Variants in SMYD3 observed in about 807,000 individuals in gnomAD.
SMYD3 encodes the protein SET and MYND domain containing 3, also known as histone-lysine N-methyltransferase SMYD3.
Under a neutral mutation model 57.7 loss-of-function variants are expected in SMYD3, and 36 were observed. The observed-to-expected ratio is 0.62, with a 90% CI of 0.48 to 0.82. The LOEUF is 0.82. SMYD3 is among the 40% of genes least tolerant of loss of function. SMYD3 has a pLI of 0.00. For missense variants in SMYD3, 515 were observed against 538.8 expected (o/e 0.96, Z 0.44); for synonymous variants, 211 against 195.0 (o/e 1.08, Z -0.68).
rs76783019 is a variant in SMYD3, at chr1:246,351,518, T to C, written c.228+3513A>G. ...AGAGAAAAAAGACTGGACCTCCTTC[T>C]ATGAAATTATATGATAGACACCTGA... On this transcript the variant is annotated intron_variant, in intron 2 of 11. Coordinates refer to ENST00000490107, the MANE Select transcript of SMYD3 (RefSeq NM_001167740.2). Among the ~76,000 whole-genome samples, 58 of 152,314 alleles carry C rather than the reference T, an allele frequency of 3.8e-4. 1 individual carries two copies. Among genetic ancestry groups the C allele is most frequent in the African/African-American group, 1.3e-3 (53 of 41,572 alleles).
chr1:245,990,328 A>G (rs2058789596), intron 5 of SMYD3, among the ~76,000 whole-genome samples: 1 of 152,170 alleles, frequency 6.6e-6, no homozygotes, highest in African/African-American at 2.4e-5. Context: ...GGCTCAAGCA[A>G]TCCTCCCGCC....
intron 8 of SMYD3, among the ~76,000 whole-genome samples, chr1:245,884,486 G>C (rs576305582): frequency 6.6e-6 from 1 of 152,130 alleles, no homozygotes; most frequent in African/African-American, 2.4e-5. Flanking sequence ...GATTTACATA[G>C]GGCCTGAGAG....
At chr1:246,272,589 T>C (rs1173918100) in intron 5 of SMYD3, among the ~76,000 whole-genome samples, 8 of 152,226 alleles carry the variant, frequency 5.3e-5, no homozygotes, top group South Asian at 2.1e-4. Context: ...ATTACACTGA[T>C]TGATTTTCAC....
intron 5 of SMYD3, among the ~76,000 whole-genome samples, chr1:246,293,570 C>G (rs2064736872): frequency 6.6e-6 from 1 of 152,112 alleles, no homozygotes; most frequent in Non-Finnish European, 1.5e-5. Context: ...GAGACTACTC[C>G]AAGAAAACCC....
intron 10 of SMYD3, among the ~76,000 whole-genome samples, chr1:245,842,144 C>T (rs889508885): frequency 1.6e-4 from 24 of 152,240 alleles, no homozygotes; most frequent in African/African-American, 5.8e-4. Context: ...GATTGCGTGA[C>T]AACAAAATCA....
At chr1:246,111,369 T>C (rs2061237902) in intron 5 of SMYD3, 1 of 152,108 alleles carries the variant, frequency 6.6e-6, no homozygotes. Flanking sequence ...TGGTCCAGCA[T>C]AGCAGAAAAA....
chr1:245,787,213 C>A (rs1481827676), intron 10 of SMYD3, among the ~76,000 whole-genome samples: 1 of 152,190 alleles, frequency 6.6e-6, no homozygotes, highest in African/African-American at 2.4e-5. Flanking sequence ...AACGCTTGTG[C>A]AAATTACAGC....
In SMYD3 at chr1:245,821,953, T is replaced by C. The variant is rs572016550; in HGVS notation, c.1076+36543A>G. Among the ~76,000 whole-genome samples the C allele has an allele frequency of 1.8e-4, 27 of 152,022 alleles. No homozygotes were observed. In the East Asian group the frequency reaches 3.3e-3, roughly 19 times the overall value. ...AACACTTTTACACTGTTGGTGGGAC[T>C]GTAAACTAGTTCAACCATTGTGGAA... On this transcript the variant is annotated intron_variant, in intron 10 of 11. Coordinates refer to ENST00000490107, the MANE Select transcript of SMYD3 (RefSeq NM_001167740.2).
intron 8 of SMYD3, among the ~76,000 whole-genome samples, chr1:245,885,459 CTTTG>C (rs2053039413): frequency 6.6e-6 from 1 of 152,146 alleles, no homozygotes; most frequent in Non-Finnish European, 1.5e-5. Flanking sequence ...ACAGGCTGTT[CTTTG>C]TTAGAAAAGA....
At chr1:245,862,408 T>C (rs1227936091) in intron 9 of SMYD3, among the ~76,000 whole-genome samples, 1 of 152,240 alleles carries the variant, frequency 6.6e-6, no homozygotes, top group East Asian at 1.9e-4. Flanking sequence ...ATTTGAACTT[T>C]TTGATCCGAA....
intron 5 of SMYD3, among the ~76,000 whole-genome samples, chr1:246,067,069 C>T (rs554973218): frequency 1.3e-5 from 2 of 152,174 alleles, no homozygotes; most frequent in East Asian, 1.9e-4. Context: ...CTGGTAGAGT[C>T]CTTTTGAAGT....
intron 5 of SMYD3, among the ~76,000 whole-genome samples, chr1:246,232,359 A>C (rs2063422047): frequency 6.6e-6 from 1 of 152,216 alleles, no homozygotes; most frequent in African/African-American, 2.4e-5. Flanking sequence ...GTAGTGCTGG[A>C]TGCAGTGTGA....
At chr1:245,829,523 C>T (rs898040519) in intron 10 of SMYD3, among the ~76,000 whole-genome samples, 1 of 152,080 alleles carries the variant, frequency 6.6e-6, no homozygotes, top group Non-Finnish European at 1.5e-5. Flanking sequence ...CTCCGTATTA[C>T]TCTCATATAT....
At chr1:246,315,527 C>T (rs554730395) in intron 5 of SMYD3, among the ~76,000 whole-genome samples, 1 of 152,296 alleles carries the variant, frequency 6.6e-6, no homozygotes, top group Admixed American at 6.5e-5. Context: ...CTAGGCCTAC[C>T]TTATAGAGAC....
At chr1:245,999,760 AG>A (rs1449242130) in intron 5 of SMYD3, among the ~76,000 whole-genome samples, 1 of 152,222 alleles carries the variant, frequency 6.6e-6, no homozygotes, top group Non-Finnish European at 1.5e-5. Context: ...TAAATAGTAC[AG>A]GATACTACTG....
intron 2 of SMYD3, among the ~76,000 whole-genome samples, chr1:246,341,373 A>G: frequency 6.6e-6 from 1 of 152,196 alleles, no homozygotes; most frequent in East Asian, 1.9e-4. Context: ...AATCTTTTTT[A>G]ATTCAGAGAT....
chr1:246,028,265 C>A (rs1003040582), intron 5 of SMYD3, among the ~76,000 whole-genome samples: 2 of 152,026 alleles, frequency 1.3e-5, no homozygotes, highest in Admixed American at 1.3e-4. Flanking sequence ...GAGAAAGAAA[C>A]AAAGGGCATC....
chr1:245,798,581 A>T (rs2047702410), intron 10 of SMYD3, among the ~76,000 whole-genome samples: 1 of 151,498 alleles, frequency 6.6e-6, no homozygotes, highest in Non-Finnish European at 1.5e-5. Context: ...AAAGAGGGAA[A>T]TTTCAAGAGC....
intron 5 of SMYD3, among the ~76,000 whole-genome samples, chr1:246,036,443 C>A (rs528168735): frequency 1.3e-5 from 2 of 152,096 alleles, no homozygotes; most frequent in Non-Finnish European, 2.9e-5. Flanking sequence ...TATACATACA[C>A]AAGAACATGC....
Sources: gnomAD v4.1 joint callset for allele counts (sites outside exome capture counted in the v4.1 genomes callset) on GRCh38, gnomAD v4.1.1 for gene constraint, MANE v1.5 for transcripts, NCBI Gene and HGNC (gene_info 2026-07-23, HGNC 2026-07-21) for gene names.